The following SPMIP2 variants were observed in gnomAD, a reference collection of about 807,000 sequenced individuals.
The protein encoded by SPMIP2 is protein SPMIP2.
the SPMIP2 span, among the ~76,000 whole-genome samples, chr4:159,051,510 C>A: frequency 1.3e-5 from 2 of 152,214 alleles, no homozygotes; most frequent in Admixed American, 1.3e-4. Context: ...ATTCAAAGCA[C>A]TTTCATTACC....
chr4:158,976,696 C>A, the SPMIP2 span, among the ~76,000 whole-genome samples: 590 of 114,982 alleles, frequency 5.1e-3, 3 homozygotes, highest in Middle Eastern at 0.026. Flanking sequence ...GACAGAGTCT[C>A]GCTCTGTCAC....
the SPMIP2 span, among the ~76,000 whole-genome samples, chr4:159,029,124 T>G: frequency 5.3e-5 from 8 of 152,140 alleles, no homozygotes; most frequent in African/African-American, 1.9e-4. Context: ...ATTTATAAAA[T>G]CTCCTCACTA....
chr4:158,917,151 G>A, the SPMIP2 span, among the ~76,000 whole-genome samples: 60 of 152,198 alleles, frequency 3.9e-4, no homozygotes, highest in African/African-American at 1.0e-3. Context: ...TCAGGAGGCC[G>A]AGGCAGGAGA....
chr4:158,958,846 G>A, the SPMIP2 span, among the ~76,000 whole-genome samples: 4 of 152,174 alleles, frequency 2.6e-5, no homozygotes, highest in Non-Finnish European at 5.9e-5. Context: ...TAGGACCCAA[G>A]CCAGGAGTTA....
chr4:158,919,055 C>A, the SPMIP2 span, among the ~76,000 whole-genome samples: 4 of 152,104 alleles, frequency 2.6e-5, no homozygotes, highest in Non-Finnish European at 5.9e-5. Context: ...AGTACAAAAT[C>A]TTTTCTCGAA....
chr4:159,001,289 A>C, the SPMIP2 span, among the ~76,000 whole-genome samples: 2 of 152,184 alleles, frequency 1.3e-5, no homozygotes, highest in African/African-American at 4.8e-5. Context: ...TATTTTCTTT[A>C]GTAAAGTGTT....
the SPMIP2 span, among the ~76,000 whole-genome samples, chr4:158,988,466 G>A: frequency 3.3e-5 from 5 of 152,166 alleles, no homozygotes; most frequent in Non-Finnish European, 2.9e-5. Context: ...TATCCCTGAT[G>A]AACATCAGCA....
At chr4:159,006,380 T>C in the SPMIP2 span, among the ~76,000 whole-genome samples, 1 of 152,202 alleles carries the variant, frequency 6.6e-6, no homozygotes, top group Non-Finnish European at 1.5e-5. Context: ...AGCTAGTGGC[T>C]TTAACCTGTG....
At chr4:158,964,024 G>A in the SPMIP2 span, among the ~76,000 whole-genome samples, 88 of 152,108 alleles carry the variant, frequency 5.8e-4, no homozygotes, top group African/African-American at 1.8e-3. Flanking sequence ...GCATGGTGGC[G>A]GGTGCCTGTA....
the SPMIP2 span, among the ~76,000 whole-genome samples, chr4:158,929,154 A>G: frequency 6.6e-6 from 1 of 152,186 alleles, no homozygotes; most frequent in Non-Finnish European, 1.5e-5. Context: ...AGTTAGGACT[A>G]CAGGTGCATG....
the SPMIP2 span, among the ~76,000 whole-genome samples, chr4:158,954,163 CTTGAA>C: frequency 6.6e-6 from 1 of 152,168 alleles, no homozygotes; most frequent in South Asian, 2.1e-4. Context: ...CAAATCTCAT[CTTGAA>C]TTGTACTCCC....
the SPMIP2 span, among the ~76,000 whole-genome samples, chr4:158,977,173 C>A: frequency 6.6e-6 from 1 of 152,094 alleles, no homozygotes; most frequent in Non-Finnish European, 1.5e-5. Flanking sequence ...AGGAATGGTA[C>A]CAGCTCCACT....
At chr4:158,934,886 G>A in the SPMIP2 span, among the ~76,000 whole-genome samples, 1 of 152,130 alleles carries the variant, frequency 6.6e-6, no homozygotes, top group Admixed American at 6.6e-5. Context: ...GCAATATCAC[G>A]TAACTTGTCT....
the SPMIP2 span, among the ~76,000 whole-genome samples, chr4:158,976,508 T>C: frequency 6.6e-6 from 1 of 152,080 alleles, no homozygotes; most frequent in Non-Finnish European, 1.5e-5. Flanking sequence ...GGGGTTGAAT[T>C]TTATGGAAGG....
At chr4:159,080,534 AG>A in the SPMIP2 span, among the ~76,000 whole-genome samples, 1 of 152,026 alleles carries the variant, frequency 6.6e-6, no homozygotes, top group East Asian at 1.9e-4. Context: ...TTGATTCTTG[AG>A]CTAATTCATA....
chr4:158,896,988 C>T, the SPMIP2 span, among the ~76,000 whole-genome samples: 1 of 152,010 alleles, frequency 6.6e-6, no homozygotes, highest in African/African-American at 2.4e-5. Context: ...AATGCTATCC[C>T]ACCCCCAGCC....
the SPMIP2 span, among the ~76,000 whole-genome samples, chr4:158,924,019 TATA>T: frequency 4.6e-5 from 7 of 152,110 alleles, no homozygotes; most frequent in Non-Finnish European, 8.8e-5. Context: ...CAGGTGTCCT[TATA>T]AGAAGAGAAA....
At chr4:158,955,497 G>A in the SPMIP2 span, among the ~76,000 whole-genome samples, 32 of 152,138 alleles carry the variant, frequency 2.1e-4, no homozygotes, top group South Asian at 4.1e-4. Flanking sequence ...CTCCACCTCC[G>A]GGGTTCAAGT....
the SPMIP2 span, among the ~76,000 whole-genome samples, chr4:159,000,470 T>C: frequency 6.6e-6 from 1 of 151,546 alleles, no homozygotes; most frequent in Admixed American, 6.6e-5. Context: ...GTATGCACTC[T>C]CTTTTGTCTG....
Sources: allele counts gnomAD v4.1 joint callset (sites outside exome capture counted in the v4.1 genomes callset), GRCh38; gene constraint gnomAD v4.1.1; transcripts MANE v1.5; gene names NCBI Gene and HGNC (gene_info 2026-07-23, HGNC 2026-07-21).